Variants in DVL1 observed in about 807,000 individuals in gnomAD.
DVL1 encodes the protein segment polarity protein dishevelled homolog DVL-1.
In DVL1, 49 loss-of-function variants were observed where a neutral mutation model predicts 65.0. The observed-to-expected ratio is 0.75, with a 90% CI of 0.60 to 0.96. The LOEUF is 0.96. Among genes scored for constraint, DVL1 ranks in the 40% least tolerant of loss-of-function variants. DVL1 has a pLI of 0.00. For synonymous variants in DVL1, 608 were observed against 433.9 expected (o/e 1.40, Z -4.99); for missense variants, 1,197 against 1,045.4 (o/e 1.15, Z -2.00).
chr1:1,341,376 G>A (rs1643819961), intron 5 of DVL1, among the ~76,000 whole-genome samples: 1 of 152,150 alleles, frequency 6.6e-6, no homozygotes, highest in East Asian at 1.9e-4. Context: ...CATCCGCAAT[G>A]TGAAAACGCC....
chr1:1,342,580 C>T, intron 2 of DVL1, 96 bp from the exon 3 acceptor site: 1 of 1,573,948 alleles, frequency 6.4e-7, no homozygotes, highest in South Asian at 1.1e-5. Context: ...GCTGCCCTAT[C>T]CGCACCCAGC....
intron 5 of DVL1, among the ~76,000 whole-genome samples, chr1:1,340,935 ACCTGCACACACGCACC>A (rs1223092078): frequency 6.9e-6 from 1 of 145,150 alleles, no homozygotes; most frequent in Middle Eastern, 3.8e-3. Flanking sequence ...ACGCATGCAC[ACCTGCACACACGCACC>A]CCTGCACACT....
intron 1 of DVL1, among the ~76,000 whole-genome samples, chr1:1,346,912 C>T (rs1197235820): frequency 3.3e-5 from 5 of 152,228 alleles, no homozygotes; most frequent in Non-Finnish European, 7.3e-5. Flanking sequence ...TCAGCAGTCG[C>T]TTAAGCTAAA....
intron 13 of DVL1, 40 bp downstream of exon 13, chr1:1,338,229 T>TGGCCCCCCCCCCCCCCCCCAGGC: frequency 6.6e-7 from 1 of 1,522,372 alleles, no homozygotes. Context: ...CCTCCGGCGT[T>TGGCCCCCCCCCCCCCCCCCAGGC]CCCCTCCCCC....
At chr1:1,336,722 G>A (rs1159140609) in intron 14 of DVL1, among the ~76,000 whole-genome samples, 1 of 152,204 alleles carries the variant, frequency 6.6e-6, no homozygotes, top group Non-Finnish European at 1.5e-5. Context: ...GGGGCAGTGG[G>A]AGGCAGGCAG....
intron 2 of DVL1, 23 bp from the exon 3 acceptor site, chr1:1,342,507 CA>C (rs1164028560): frequency 3.7e-6 from 6 of 1,604,910 alleles, no homozygotes; most frequent in Non-Finnish European, 5.1e-6. Flanking sequence ...CAGGCATGCT[CA>C]GGGGAGCCCA....
intron 5 of DVL1, 136 bp from the exon 6 acceptor site, chr1:1,340,639 C>T (rs1011174464): frequency 1.5e-5 from 13 of 891,988 alleles, no homozygotes; most frequent in African/African-American, 1.7e-5. Flanking sequence ...CTGACGTCCA[C>T]GCCCCAGGCC....
intron 1 of DVL1, among the ~76,000 whole-genome samples, chr1:1,347,681 G>A (rs1158334596): frequency 2.0e-5 from 3 of 152,260 alleles, no homozygotes; most frequent in South Asian, 2.1e-4. Flanking sequence ...CAGGCCCAGA[G>A]AAGCAGGGAC....
At chr1:1,345,557 C>G (rs961947806) in intron 1 of DVL1, among the ~76,000 whole-genome samples, 13 of 152,110 alleles carry the variant, frequency 8.5e-5, no homozygotes, top group African/African-American at 2.4e-4. Flanking sequence ...GCGCCCCTGC[C>G]GGCACTGTGC....
In DVL1 at chr1:1,340,497, G is replaced by A. The variant is rs1414799098; in HGVS notation, c.612C>T (p.Ser204=). 1.9e-6 allele frequency: 3 copies of A among 1,602,880 alleles called. No homozygotes were observed. Among genetic ancestry groups the A allele is most frequent in the Non-Finnish European group, 2.6e-6 (3 of 1,175,134 alleles). The change falls in exon 6 of 15, where the codon AGC becomes AGT. Residue 204 remains serine (S), a synonymous_variant. Coordinates refer to ENST00000378888, the MANE Select transcript of DVL1 (RefSeq NM_001330311.2). ...ATGAGGTGCTCTGCTCCGTGGAGCT[G>A]CTGAGCCTGGGAACAGACTGTCAGA... ...SDEDGSTSRL[S]SSTEQSTSSR...
At chr1:1,337,597 G>A in intron 14 of DVL1, 1 of 405,972 alleles carries the variant, frequency 2.5e-6, no homozygotes, top group Non-Finnish European at 4.7e-6. Context: ...TACCATAGGA[G>A]AACCACCAGC....
chr1:1,347,253 G>A (rs1361080173), intron 1 of DVL1, among the ~76,000 whole-genome samples: 1 of 152,070 alleles, frequency 6.6e-6, no homozygotes, highest in Non-Finnish European at 1.5e-5. Flanking sequence ...TAAGTCTGCA[G>A]CCTCCAAAGC....
intron 1 of DVL1, among the ~76,000 whole-genome samples, chr1:1,343,091 GCT>G (rs1164611395): frequency 2.0e-5 from 3 of 152,166 alleles, no homozygotes; most frequent in African/African-American, 7.2e-5. Flanking sequence ...TCAGCCAAAG[GCT>G]CTCAGTCCCC....
intron 1 of DVL1, among the ~76,000 whole-genome samples, chr1:1,344,891 C>G (rs557550850): frequency 2.0e-5 from 3 of 152,138 alleles, no homozygotes; most frequent in African/African-American, 7.2e-5. Flanking sequence ...CCCTGACACA[C>G]GGCCCCAGGT....
At chr1:1,348,375 G>A (rs1441157379) in intron 1 of DVL1, among the ~76,000 whole-genome samples, 1 of 152,200 alleles carries the variant, frequency 6.6e-6, no homozygotes, top group Non-Finnish European at 1.5e-5. Flanking sequence ...AAAGTTTCAT[G>A]GTCACCAGTG....
chr1:1,336,111 C>T lies in DVL1; in HGVS notation c.*31G>A, dbSNP rs899274517. The T allele has an allele frequency of 2.6e-6, 4 of 1,563,194 alleles. No homozygotes were observed. The highest frequency in any genetic ancestry group is 3.4e-6 in the Non-Finnish European group (4 of 1,161,488). On this transcript the variant is annotated 3_prime_UTR_variant, in exon 15 of 15. Transcript: ENST00000378888. ...ATGCGGCAGGACCGCCAGCTCCCCA[C>T]CTCAGGCAGGGCTGGGGCATGCGCC...
rs1243606139 is a variant in DVL1 at position 1,342,502 on chromosome 1, A to G, written c.241-18T>C. On this transcript the variant is annotated intron_variant, in intron 2 of 14. Coordinates refer to ENST00000378888, the MANE Select transcript of DVL1 (RefSeq NM_001330311.2). ...AGGACCAGCTGTGGAGGGAGCAGGC[A>G]TGCTCAGGGGAGCCCACCCGCCTTC... The G allele has an allele frequency of 4.4e-6, 7 of 1,608,724 alleles. No homozygotes were observed. The highest frequency in any genetic ancestry group is 2.2e-5 in the South Asian group (2 of 90,748).
chr1:1,346,562 G>A (rs1446988674), intron 1 of DVL1, among the ~76,000 whole-genome samples: 1 of 152,216 alleles, frequency 6.6e-6, no homozygotes, highest in Non-Finnish European at 1.5e-5. Flanking sequence ...CTGTGACCAG[G>A]GCATGAAAAG....
intron 13 of DVL1, 42 bp downstream of exon 13, chr1:1,338,227 G>C: frequency 1.9e-6 from 3 of 1,588,466 alleles, no homozygotes; most frequent in Non-Finnish European, 2.6e-6. Flanking sequence ...GGCCTCCGGC[G>C]TTCCCCTCCC....
Sources: gnomAD v4.1 joint callset for allele counts (sites outside exome capture counted in the v4.1 genomes callset) on GRCh38, gnomAD v4.1.1 for gene constraint, MANE v1.5 for transcripts, NCBI Gene and HGNC (gene_info 2026-07-23, HGNC 2026-07-21) for gene names.